The following LHFPL3 variants were observed in gnomAD, a reference collection of about 807,000 sequenced individuals.
The protein encoded by LHFPL3 is LHFPL tetraspan subfamily member 3 protein.
In LHFPL3, 5 loss-of-function variants were observed where a neutral mutation model predicts 19.3. The observed-to-expected ratio is 0.26, with a 90% CI of 0.14 to 0.54. The LOEUF (loss-of-function observed/expected upper bound fraction) is 0.54, where lower values mean the gene tolerates loss of function less well. Ranked by LOEUF, LHFPL3 falls within the 20% of genes least tolerant of loss-of-function variation. The pLI, the probability that LHFPL3 is intolerant of heterozygous loss-of-function variation, is 0.94. For missense variants in LHFPL3, 249 were observed against 307.4 expected (o/e 0.81, Z 1.42); for synonymous variants, 133 against 126.2 (o/e 1.05, Z -0.36).
At chr7:104,522,422 A>G (rs903803011) in intron 1 of LHFPL3, among the ~76,000 whole-genome samples, 1 of 147,750 alleles carries the variant, frequency 6.8e-6, no homozygotes, top group East Asian at 2.1e-4. Context: ...GGATTGGGAG[A>G]TATACCTAAT....
intron 1 of LHFPL3, among the ~76,000 whole-genome samples, chr7:104,492,795 T>C (rs1363602922): frequency 6.6e-6 from 1 of 152,224 alleles, no homozygotes; most frequent in Non-Finnish European, 1.5e-5. Context: ...CTTTCCTTTC[T>C]GTCTTAGAGG....
chr7:104,753,204 C>T (rs1226978721), intron 2 of LHFPL3, among the ~76,000 whole-genome samples: 2 of 152,164 alleles, frequency 1.3e-5, no homozygotes, highest in Non-Finnish European at 2.9e-5. Flanking sequence ...CTTTAGAGTT[C>T]CTTTCATAAA....
chr7:104,888,567 G>A (rs1045262711), intron 2 of LHFPL3, among the ~76,000 whole-genome samples: 2 of 152,162 alleles, frequency 1.3e-5, no homozygotes, highest in African/African-American at 2.4e-5. Context: ...ACATTCCACA[G>A]CAAAGAGATC....
chr7:104,334,077 C>T (rs1037801979), intron 1 of LHFPL3, among the ~76,000 whole-genome samples: 11 of 152,146 alleles, frequency 7.2e-5, no homozygotes, highest in Admixed American at 3.9e-4. Context: ...AGTAGGCCCT[C>T]TGTGAGTGTT....
intron 1 of LHFPL3, among the ~76,000 whole-genome samples, chr7:104,430,042 T>G (rs553329019): frequency 6.6e-5 from 10 of 152,130 alleles, no homozygotes; most frequent in Admixed American, 1.3e-4. Flanking sequence ...CAACATCGTC[T>G]GAGTGTAATA....
intron 2 of LHFPL3, among the ~76,000 whole-genome samples, chr7:104,763,709 A>G (rs1794413179): frequency 6.6e-6 from 1 of 152,226 alleles, no homozygotes; most frequent in Admixed American, 6.5e-5. Context: ...CTGTGGGAGC[A>G]GGTTCTTGCT....
At chr7:104,748,496 C>A in intron 2 of LHFPL3, among the ~76,000 whole-genome samples, 2 of 128,110 alleles carry the variant, frequency 1.6e-5, no homozygotes, top group African/African-American at 5.6e-5. Flanking sequence ...AGGGGAAAAC[C>A]GCCTTAGGGC....
chr7:104,816,393 C>T (rs912198277), intron 2 of LHFPL3, among the ~76,000 whole-genome samples: 1 of 152,196 alleles, frequency 6.6e-6, no homozygotes, highest in Non-Finnish European at 1.5e-5. Flanking sequence ...TATGCTGGCT[C>T]CTGAGATTGC....
chr7:104,655,036 T>C (rs10953439), intron 1 of LHFPL3, among the ~76,000 whole-genome samples: 71,265 of 152,006 alleles, frequency 0.47, 17,169 homozygotes, highest in East Asian at 0.75. Context: ...CTTTCCCTTC[T>C]TCCTTCAGCT....
intron 1 of LHFPL3, among the ~76,000 whole-genome samples, chr7:104,729,117 G>A (rs1403618722): frequency 6.6e-6 from 1 of 152,072 alleles, no homozygotes; most frequent in Non-Finnish European, 1.5e-5. Context: ...AAGTTCTGTG[G>A]TGCCACACTA....
At chr7:104,769,706 G>A (rs565536055) in intron 2 of LHFPL3, among the ~76,000 whole-genome samples, 25 of 151,672 alleles carry the variant, frequency 1.6e-4, no homozygotes, top group South Asian at 8.4e-4. Flanking sequence ...GAGAACATGC[G>A]GTGTTTGGTT....
rs769053928 is a variant in LHFPL3, at chr7:104,675,605, CAT to C, written c.446-61068_446-61067del. 2.2e-4 allele frequency among the ~76,000 whole-genome samples: 33 copies of C among 152,154 alleles called. 1 individual carries two copies. Among genetic ancestry groups the C allele is most frequent in the Non-Finnish European group, 4.3e-4 (29 of 68,026 alleles). On this transcript the variant is annotated intron_variant, in intron 1 of 2. Transcript: ENST00000424859. The stretch of plus-strand genomic sequence containing the variant: ...AGTTGCAACAATCCAGGTGGGATAT[CAT>C]AGCAACTTCCATTAGGGTGATAACA...
chr7:104,361,127 G>A (rs1453038774), intron 1 of LHFPL3, among the ~76,000 whole-genome samples: 1 of 152,232 alleles, frequency 6.6e-6, no homozygotes, highest in Non-Finnish European at 1.5e-5. Flanking sequence ...CAAGGGCAGA[G>A]TTGAGTGGTT....
intron 2 of LHFPL3, among the ~76,000 whole-genome samples, chr7:104,866,519 G>A: frequency 6.6e-6 from 1 of 152,184 alleles, no homozygotes; most frequent in East Asian, 1.9e-4. Context: ...TCAGCAAGAA[G>A]AACTAACTAT....
chr7:104,680,922 A>C (rs1472376021), intron 1 of LHFPL3, among the ~76,000 whole-genome samples: 2 of 152,212 alleles, frequency 1.3e-5, no homozygotes, highest in Non-Finnish European at 2.9e-5. Flanking sequence ...TTTATTAAAC[A>C]ACCGAGCTAC....
intron 1 of LHFPL3, among the ~76,000 whole-genome samples, chr7:104,519,129 G>A (rs1212269778): frequency 2.0e-5 from 3 of 152,102 alleles, no homozygotes. Context: ...CAGTGTGGGT[G>A]ACTGTCAATC....
chr7:104,603,118 C>CTTTCTTTCT (rs1461167697), intron 1 of LHFPL3, among the ~76,000 whole-genome samples: 112 of 126,880 alleles, frequency 8.8e-4, no homozygotes, highest in Non-Finnish European at 1.5e-3. Flanking sequence ...TTCTTTCTTT[C>CTTTCTTTCT]TTTCTTTCTT....
chr7:104,570,789 A>G (rs772032441), intron 1 of LHFPL3, among the ~76,000 whole-genome samples: 5 of 152,172 alleles, frequency 3.3e-5, no homozygotes, highest in Non-Finnish European at 5.9e-5. Context: ...TCACTCAGGA[A>G]TTAAGCCCAG....
At chr7:104,603,052 T>TTTTCTTTCTTTCTTTTTC (rs1451865293) in intron 1 of LHFPL3, among the ~76,000 whole-genome samples, 1 of 150,640 alleles carries the variant, frequency 6.6e-6, no homozygotes, top group African/African-American at 2.4e-5. Flanking sequence ...GTTTTCTTTT[T>TTTTCTTTCTTTCTTTTTC]TTTCTTTCTT....
Sources: allele counts gnomAD v4.1 joint callset (sites outside exome capture counted in the v4.1 genomes callset), GRCh38; gene constraint gnomAD v4.1.1; transcripts MANE v1.5; gene names NCBI Gene and HGNC (gene_info 2026-07-23, HGNC 2026-07-21).